CXADR: variants seen among roughly 807,000 people sequenced by gnomAD.
CXADR encodes the protein coxsackievirus and adenovirus receptor.
A neutral mutation model predicts 40.3 loss-of-function variants in CXADR; 20 were observed. The observed-to-expected ratio is 0.50, with a 90% confidence interval of 0.35 to 0.72. CXADR has a LOEUF of 0.72. Among genes scored for constraint, CXADR ranks in the 30% least tolerant of loss-of-function variants. The probability of loss-of-function intolerance (pLI) is 0.01; values close to 1 mark genes in which losing one functional copy is unlikely to be tolerated. For missense variants in CXADR, 332 were observed against 449.1 expected (o/e 0.74, Z 2.36); for synonymous variants, 150 against 161.3 (o/e 0.93, Z 0.53).
rs2245943 is a variant in CXADR, at chr21:17,565,858, G to A, written c.*166G>A. 0.59 allele frequency: 766,537 copies of A among 1,297,856 alleles called. 235,376 individuals carry two copies. The highest frequency in any genetic ancestry group is 0.63 in the Non-Finnish European group (640,540 of 1,020,722). 80.4% of individuals were successfully genotyped at this position (1,297,856 alleles called of 1,614,324 possible). A position where few individuals can be genotyped will look rare whatever the true frequency, so the allele number is the denominator to read the frequency against. On this transcript the variant is annotated 3_prime_UTR_variant, in exon 7 of 7. Coordinates refer to ENST00000284878, the MANE Select transcript of CXADR (RefSeq NM_001338.5). Reference sequence around the variant, plus strand: ...TTAAAAATTTTTGTTTGGTTATATCGAAATAGTTACAGGCACTAAAGTTAG... The same window carrying A: ...TTAAAAATTTTTGTTTGGTTATATCAAAATAGTTACAGGCACTAAAGTTAG...
intron 6 of CXADR, among the ~76,000 whole-genome samples, chr21:17,564,607 G>T (rs1338177047): frequency 6.6e-6 from 1 of 152,014 alleles, no homozygotes; most frequent in Non-Finnish European, 1.5e-5. Flanking sequence ...TCAGTGTTTG[G>T]TATGAAAATT....
chr21:17,574,998 CACATACAT>C (rs1555875111), downstream of CXADR, among the ~76,000 whole-genome samples: 514 of 38,074 alleles, frequency 0.013, 3 homozygotes, highest in African/African-American at 0.017. Context: ...TATATACACA[CACATACAT>C]ACATACATAC....
At chr21:17,560,053 T>G (rs1395038321) in intron 4 of CXADR, among the ~76,000 whole-genome samples, 3 of 152,042 alleles carry the variant, frequency 2.0e-5, no homozygotes, top group Non-Finnish European at 4.4e-5. Context: ...GGCTCTTTAG[T>G]GTTTTGCCTA....
downstream of CXADR, among the ~76,000 whole-genome samples, chr21:17,595,697 A>G (rs1350718435): frequency 6.7e-6 from 1 of 148,220 alleles, no homozygotes; most frequent in East Asian, 1.9e-4. Flanking sequence ...TTAAAAAAAC[A>G]ATGATACACA....
At chr21:17,632,463 T>C in the CXADR span, among the ~76,000 whole-genome samples, 12 of 152,204 alleles carry the variant, frequency 7.9e-5, no homozygotes. Context: ...CATATTGATG[T>C]GGAGGCTCAA....
chr21:17,631,649 A>T, the CXADR span, among the ~76,000 whole-genome samples: 1 of 152,154 alleles, frequency 6.6e-6, no homozygotes, highest in African/African-American at 2.4e-5. Flanking sequence ...TCTCTTAGAG[A>T]CCTGGTGAGA....
chr21:17,609,984 T>C, the CXADR span, among the ~76,000 whole-genome samples: 1 of 152,240 alleles, frequency 6.6e-6, no homozygotes, highest in Non-Finnish European at 1.5e-5. Context: ...AATGGAATAT[T>C]ATTCAGCAGT....
chr21:17,560,801 T>G lies in CXADR; in HGVS notation c.671T>G (p.Leu224Arg), dbSNP rs780083667. Residue 224 changes from leucine to arginine, a missense_variant, in exon 5 of 7, where the codon CTG (leucine) becomes CGG (arginine). Around this residue, in one of 3 missense-constraint regions of CXADR, gnomAD observed 150 missense variants for 194.2 expected, o/e 0.77. Transcript: ENST00000284878. ...AACAGAGTGGGCTCTGATCAGTGCC[T>G]GTTGCGTCTAAACGTTGTCCCTCGT... ...VRNRVGSDQCLLRLNVVPPSN... is the reference protein window; with the variant it reads ...VRNRVGSDQCRLRLNVVPPSN... 3 of 1,614,002 alleles carry G rather than the reference T, an allele frequency of 1.9e-6. No homozygotes were observed. Among genetic ancestry groups the G allele is most frequent in the Non-Finnish European group, 2.5e-6 (3 of 1,179,904 alleles).
At position 17,513,087 on chromosome 21, in the gene CXADR, G is replaced by A; in HGVS notation, c.-43G>A. 7.5e-7 allele frequency: 1 copy of A among 1,337,734 alleles called. No individual in the cohort carries two copies. 82.9% of individuals were successfully genotyped at this position (1,337,734 alleles called of 1,614,324 possible). A position where few individuals can be genotyped will look rare whatever the true frequency, so the allele number is the denominator to read the frequency against. On this transcript the variant is annotated 5_prime_UTR_variant, in exon 1 of 7. Coordinates refer to ENST00000284878, the MANE Select transcript of CXADR (RefSeq NM_001338.5). Reference sequence around the variant, plus strand: ...GCGGGGAGCCTGGGACCAGGAGCGAGAGCCGCCTACCTGCAGCCGCCGCCC... The same window carrying A: ...GCGGGGAGCCTGGGACCAGGAGCGAAAGCCGCCTACCTGCAGCCGCCGCCC...
At position 17,588,301 on chromosome 21, in the gene CXADR, T is replaced by C. The variant is rs984500358; in HGVS notation, c.1018-4851T>C. 2.0e-5 allele frequency among the ~76,000 whole-genome samples: 3 copies of C among 152,224 alleles called. No individual in the cohort carries two copies. In the South Asian group the frequency reaches 6.2e-4, roughly 31 times the overall value. ...CATTGGTAGCTTGATGGGGATGGCA[T>C]TGAATCTATAAATTGCCTTGGGCAG... On this transcript the variant is annotated intron_variant, in intron 7 of 7. Transcript: ENST00000400169.
the CXADR span, chr21:17,612,479 G>A: frequency 6.7e-6 from 1 of 150,202 alleles, no homozygotes; most frequent in Non-Finnish European, 1.5e-5. Context: ...GCCCGCCGAG[G>A]GTCCCGCGGA....
At chr21:17,600,625 A>AGTGTGGGTAACATGGTGAGACCC in the CXADR span, among the ~76,000 whole-genome samples, 7 of 152,158 alleles carry the variant, frequency 4.6e-5, no homozygotes, top group East Asian at 1.3e-3. Flanking sequence ...ATTTGAGACC[A>AGTGTGGGTAACATGGTGAGACCC]GTCTGGGTAA....
At chr21:17,571,887 C>T (rs2061280182), downstream of CXADR, among the ~76,000 whole-genome samples, 1 of 152,190 alleles carries the variant, frequency 6.6e-6, no homozygotes, top group Non-Finnish European at 1.5e-5. Context: ...GATATACCTC[C>T]TTCAGTAACC....
chr21:17,598,821 A>G, the CXADR span: 1 of 1,605,070 alleles, frequency 6.2e-7, no homozygotes, highest in Non-Finnish European at 8.5e-7. Flanking sequence ...TTTTCTCTCC[A>G]TACCTAAGAA....
intron 7 of CXADR, among the ~76,000 whole-genome samples, chr21:17,586,660 G>A (rs1278024627): frequency 6.6e-6 from 1 of 151,594 alleles, no homozygotes; most frequent in Non-Finnish European, 1.5e-5. Flanking sequence ...CTATTTTTAT[G>A]GTTTGAAGTA....
At chr21:17,530,302 C>A in intron 1 of CXADR, 1 of 385,970 alleles carries the variant, frequency 2.6e-6, no homozygotes, top group Non-Finnish European at 5.1e-6. Context: ...TGATTTCTAA[C>A]AATGTAGATT....
chr21:17,598,502 G>A, downstream of CXADR: 1 of 844,256 alleles, frequency 1.2e-6, no homozygotes, highest in Non-Finnish European at 1.8e-6. Context: ...GGAAAGGCAA[G>A]AACTATTATC....
intron 6 of CXADR, among the ~76,000 whole-genome samples, chr21:17,561,694 C>T (rs1194353273): frequency 6.6e-6 from 1 of 152,064 alleles, no homozygotes; most frequent in African/African-American, 2.4e-5. Context: ...TTCTCGTACC[C>T]CATTTTAAGA....
intron 1 of CXADR, among the ~76,000 whole-genome samples, chr21:17,546,291 G>T (rs1254780781): frequency 6.6e-6 from 1 of 152,164 alleles, no homozygotes; most frequent in African/African-American, 2.4e-5. Flanking sequence ...TGTGTTTGTG[G>T]TGAGCATGAA....
Sources: allele counts gnomAD v4.1 joint callset (sites outside exome capture counted in the v4.1 genomes callset), GRCh38; gene constraint gnomAD v4.1.1; regional missense constraint gnomAD v4.1.1; transcripts MANE v1.5; gene names NCBI Gene and HGNC (gene_info 2026-07-23, HGNC 2026-07-21).